Variants in ZNF804B observed in about 807,000 individuals in gnomAD.
ZNF804B encodes the protein zinc finger 804B.
Under a neutral mutation model 101.4 loss-of-function variants are expected in ZNF804B, and 80 were observed. The ratio of observed to expected loss-of-function variants is 0.79; its 90% CI spans 0.66 to 0.95. ZNF804B has a LOEUF of 0.95. Among genes scored for constraint, ZNF804B ranks in the 40% least tolerant of loss-of-function variants. The pLI is 0.00. For synonymous variants in ZNF804B, 622 were observed against 558.8 expected (o/e 1.11, Z -1.59); for missense variants, 1,673 against 1,561.9 (o/e 1.07, Z -1.20).
chr7:88,776,555 GTTTTGTTTT>G (rs1199488203), intron 1 of ZNF804B, among the ~76,000 whole-genome samples: 1 of 106,492 alleles, frequency 9.4e-6, no homozygotes, highest in Non-Finnish European at 2.0e-5. Context: ...TTCTCGTGGT[GTTTTGTTTT>G]TTTTTTTTTT....
chr7:88,768,521 C>A (rs538413138), intron 1 of ZNF804B, among the ~76,000 whole-genome samples: 11 of 152,254 alleles, frequency 7.2e-5, no homozygotes, highest in Non-Finnish European at 1.2e-4. Context: ...AGTTTGAGAT[C>A]AACCTGGGCA....
intron 2 of ZNF804B, among the ~76,000 whole-genome samples, chr7:89,220,151 A>ATGTATATACACACACATATATATGTGCG (rs754692432): frequency 0.016 from 621 of 38,180 alleles, 28 homozygotes; most frequent in Middle Eastern, 0.03. Flanking sequence ...GTGTATATAC[A>ATGTATATACACACACATATATATGTGCG]TATATATATA....
intron 1 of ZNF804B, among the ~76,000 whole-genome samples, chr7:89,194,886 C>G (rs1442753571): frequency 6.6e-6 from 1 of 152,002 alleles, no homozygotes; most frequent in Non-Finnish European, 1.5e-5. Context: ...GGCATTGAAT[C>G]TATAAATTAC....
At chr7:88,942,549 T>G (rs992900929) in intron 1 of ZNF804B, among the ~76,000 whole-genome samples, 1 of 145,814 alleles carries the variant, frequency 6.9e-6, no homozygotes, top group African/African-American at 2.5e-5. Context: ...TGAATTATCG[T>G]AAGGTCTTTG....
chr7:89,181,324 C>T (rs1229794468), intron 1 of ZNF804B, among the ~76,000 whole-genome samples: 5 of 152,178 alleles, frequency 3.3e-5, no homozygotes, highest in South Asian at 4.1e-4. Context: ...AGGACCCCAG[C>T]GCACTTTAGC....
At chr7:88,802,354 A>G (rs907479597) in intron 1 of ZNF804B, among the ~76,000 whole-genome samples, 3 of 152,166 alleles carry the variant, frequency 2.0e-5, no homozygotes, top group Non-Finnish European at 4.4e-5. Context: ...CCTAGAAGCT[A>G]CAGTGGTCTA....
intron 1 of ZNF804B, among the ~76,000 whole-genome samples, chr7:88,966,260 A>C (rs2116100840): frequency 6.6e-6 from 1 of 151,714 alleles, no homozygotes; most frequent in South Asian, 2.1e-4. Flanking sequence ...ATACTTCTTA[A>C]GTAATATTAA....
At chr7:88,926,240 A>G (rs1792794436) in intron 1 of ZNF804B, among the ~76,000 whole-genome samples, 2 of 152,100 alleles carry the variant, frequency 1.3e-5, no homozygotes, top group Non-Finnish European at 2.9e-5. Context: ...TTAGTCACGA[A>G]GATCTGGGAA....
chr7:89,278,850 A>G (rs1049336684), intron 2 of ZNF804B, among the ~76,000 whole-genome samples: 3 of 151,930 alleles, frequency 2.0e-5, no homozygotes, highest in African/African-American at 4.8e-5. Context: ...TTTTGGTTCC[A>G]TATGAACTTT....
At chr7:89,057,685 G>T (rs552932104) in intron 1 of ZNF804B, among the ~76,000 whole-genome samples, 26 of 152,184 alleles carry the variant, frequency 1.7e-4, no homozygotes, top group African/African-American at 6.0e-4. Context: ...GCAGAAAGGA[G>T]CCCAGTGGCA....
chr7:89,171,269 C>A (rs1394366283), intron 1 of ZNF804B, among the ~76,000 whole-genome samples: 1 of 137,228 alleles, frequency 7.3e-6, no homozygotes, highest in African/African-American at 2.7e-5. Context: ...ATGAAGTAGG[C>A]ACAAATAATG....
At chr7:88,854,398 T>TTCCTTC (rs1562812501) in intron 1 of ZNF804B, among the ~76,000 whole-genome samples, 6 of 134,940 alleles carry the variant, frequency 4.4e-5, no homozygotes, top group African/African-American at 1.9e-4. Context: ...TTTCTTTCTT[T>TTCCTTC]CTTTCTTTCT....
At chr7:89,220,025 A>ATATGTGTGCATACG in intron 2 of ZNF804B, among the ~76,000 whole-genome samples, 1 of 80,780 alleles carries the variant, frequency 1.2e-5, no homozygotes, top group Non-Finnish European at 2.6e-5. Context: ...GTGTATACAT[A>ATATGTGTGCATACG]TATATACGCA....
At chr7:88,845,291 G>GCACACACACACA (rs1554339266) in intron 1 of ZNF804B, among the ~76,000 whole-genome samples, 4 of 106,542 alleles carry the variant, frequency 3.8e-5, no homozygotes, top group African/African-American at 1.6e-4. Flanking sequence ...ACGCGCGCGC[G>GCACACACACACA]CACGCGCGCG....
At chr7:89,148,607 AT>A (rs956755166) in intron 1 of ZNF804B, among the ~76,000 whole-genome samples, 3 of 152,090 alleles carry the variant, frequency 2.0e-5, no homozygotes, top group African/African-American at 7.2e-5. Flanking sequence ...AATAAAGCTA[AT>A]TTGAAAATTA....
At chr7:89,315,019 A>C (rs1388772222) in intron 2 of ZNF804B, among the ~76,000 whole-genome samples, 2 of 152,188 alleles carry the variant, frequency 1.3e-5, no homozygotes, top group East Asian at 3.9e-4. Flanking sequence ...AAGAGGTTTA[A>C]TTGGCTTACA....
At chr7:89,161,864 A>G (rs549456083) in intron 1 of ZNF804B, among the ~76,000 whole-genome samples, 50 of 152,248 alleles carry the variant, frequency 3.3e-4, no homozygotes, top group African/African-American at 1.2e-3. Flanking sequence ...ATGCAATATC[A>G]TAGTGATTTT....
intron 1 of ZNF804B, among the ~76,000 whole-genome samples, chr7:89,200,668 C>A (rs1788618771): frequency 6.6e-6 from 1 of 152,038 alleles, no homozygotes; most frequent in Non-Finnish European, 1.5e-5. Flanking sequence ...CCCACTCCCA[C>A]ACAAATAGCC....
At chr7:88,806,576 T>C (rs1420087275) in intron 1 of ZNF804B, among the ~76,000 whole-genome samples, 1 of 152,038 alleles carries the variant, frequency 6.6e-6, no homozygotes, top group Non-Finnish European at 1.5e-5. Flanking sequence ...AATGCATCTA[T>C]CTACCATGGA....
Sources: gnomAD v4.1 joint callset for allele counts (sites outside exome capture counted in the v4.1 genomes callset) on GRCh38, gnomAD v4.1.1 for gene constraint, MANE v1.5 for transcripts, NCBI Gene and HGNC (gene_info 2026-07-23, HGNC 2026-07-21) for gene names.